Variants in PLEKHB2 observed in about 807,000 individuals in gnomAD.
PLEKHB2 encodes the protein pleckstrin homology domain-containing family B member 2.
PLEKHB2 carries 31 observed loss-of-function variants against 36.5 expected under a neutral mutation model. The ratio of observed to expected loss-of-function variants is 0.85; its 90% confidence interval spans 0.64 to 1.15. The LOEUF (loss-of-function observed/expected upper bound fraction) is 1.15. Ranked by LOEUF, PLEKHB2 falls within the 50% of genes most tolerant of loss-of-function variation. PLEKHB2 has a pLI of 0.00. For missense variants in PLEKHB2, 262 were observed against 295.3 expected (o/e 0.89, Z 0.83); for synonymous variants, 119 against 112.0 (o/e 1.06, Z -0.39).
intron 2 of PLEKHB2, among the ~76,000 whole-genome samples, chr2:131,121,319 G>A (rs1696490082): frequency 6.6e-6 from 1 of 152,276 alleles, no homozygotes; most frequent in African/African-American, 2.4e-5. Flanking sequence ...CGCGATCTCG[G>A]CTCACCGCAG....
intron 7 of PLEKHB2, among the ~76,000 whole-genome samples, chr2:131,143,221 G>A (rs888518559): frequency 6.6e-6 from 1 of 152,194 alleles, no homozygotes; most frequent in Non-Finnish European, 1.5e-5. Context: ...TTCAACTTAT[G>A]ATGGGTTTAT....
chr2:131,149,248 C>T lies in PLEKHB2; in HGVS notation c.*2475C>T, dbSNP rs1023264763. On this transcript the variant is annotated 3_prime_UTR_variant, in exon 8 of 8. Transcript: ENST00000693505. ...CCATAGATGCCAATGTTTTGATAGC[C>T]TCAGTTTCTCAACGATGTCTTTTGT... 3 of 152,196 alleles carry T rather than the reference C, an allele frequency of 2.0e-5. No individual in the cohort carries two copies. The highest frequency in any genetic ancestry group is 2.9e-5 in the Non-Finnish European group (2 of 68,038). 9.4% of individuals were successfully genotyped at this position (152,196 alleles called of 1,614,324 possible).
intron 3 of PLEKHB2, 114 bp downstream of exon 3, chr2:131,126,019 C>T (rs1697066798): frequency 1.9e-6 from 2 of 1,054,230 alleles, no homozygotes; most frequent in African/African-American, 3.2e-5. Flanking sequence ...AGAAGGGCTC[C>T]ATCTCAGAGG....
chr2:131,128,173 A>G (rs1697286513), intron 4 of PLEKHB2, among the ~76,000 whole-genome samples: 1 of 152,230 alleles, frequency 6.6e-6, no homozygotes. Context: ...CTGAGGTAGA[A>G]CAGGGTGGAA....
At chr2:131,125,977 C>A (rs1697059269) in intron 3 of PLEKHB2, 72 bp downstream of exon 3, 5 of 1,443,638 alleles carry the variant, frequency 3.5e-6, no homozygotes, top group Middle Eastern at 2.5e-4. Context: ...TGGTCCTCTT[C>A]CTTCCCTGTT....
Position 131,130,696 on chromosome 2 carries a change from A to C in PLEKHB2, c.294-25A>C, listed in dbSNP as rs201526322. ...ATTGCAATGTTGGATTGCCTTAAAT[A>C]AAGTACCCTTTTTCTTTTCTCCAGG... On this transcript the variant is annotated intron_variant, in intron 4 of 7. Transcript: ENST00000693505. The C allele has an allele frequency of 1.9e-3, 3,042 of 1,570,216 alleles. 1 individual carries two copies. Among genetic ancestry groups the C allele is most frequent in the Non-Finnish European group, 2.4e-3 (2,745 of 1,140,280 alleles).
At chr2:131,114,315 G>A (rs1037643387) in intron 1 of PLEKHB2, among the ~76,000 whole-genome samples, 9 of 152,038 alleles carry the variant, frequency 5.9e-5, no homozygotes, top group Admixed American at 1.3e-4. Flanking sequence ...TAGTAGAGAC[G>A]GGGTTTCATC....
At chr2:131,136,948 CTT>C (rs749691633) in intron 6 of PLEKHB2, among the ~76,000 whole-genome samples, 14 of 134,116 alleles carry the variant, frequency 1.0e-4, no homozygotes, top group Admixed American at 2.2e-4. Context: ...TCTTTTCTTT[CTT>C]TTTTTTTTTT....
chr2:131,135,577 C>G (rs995312143), intron 6 of PLEKHB2, among the ~76,000 whole-genome samples: 13 of 152,008 alleles, frequency 8.6e-5, no homozygotes, highest in Admixed American at 3.9e-4. Flanking sequence ...ACATCCTTGC[C>G]TTGTTCCTGA....
At position 131,105,339 on chromosome 2, in the gene PLEKHB2, T is replaced by TGCAGGCGA. The variant is rs1219124593; in HGVS notation, c.-58_-51dup. 11 of 152,252 alleles carry TGCAGGCGA rather than the reference T, an allele frequency of 7.2e-5. No individual in the cohort carries two copies. The highest frequency in any genetic ancestry group is 2.4e-4 in the African/African-American group (10 of 41,540). The allele number at this position is 152,252 out of a possible 1,614,324, so 9.4% of individuals were successfully genotyped here. A position where few individuals can be genotyped will look rare whatever the true frequency, so the allele number is the denominator to read the frequency against. The stretch of plus-strand genomic sequence containing the variant: ...GCCAGGACGCCGGACGTGCGGCAGT[T>TGCAGGCGA]GCAGGCGAGCAGGCGAGGAATCGCC... On this transcript the variant is annotated 5_prime_UTR_variant, in exon 1 of 8. Coordinates refer to ENST00000693505, the MANE Select transcript of PLEKHB2 (RefSeq NM_001100623.2).
chr2:131,133,103 T>G, intron 6 of PLEKHB2, 112 bp downstream of exon 6: 1 of 679,670 alleles, frequency 1.5e-6, no homozygotes, highest in Non-Finnish European at 2.6e-6. Context: ...CCTTTTCTTC[T>G]TAAAACAGAT....
At chr2:131,140,056 G>T (rs538600290) in intron 6 of PLEKHB2, 111 bp from the exon 7 acceptor site, 2 of 636,404 alleles carry the variant, frequency 3.1e-6, no homozygotes, top group Admixed American at 3.3e-5. Context: ...GTTTTGTTTT[G>T]TTTTTTTTAA....
chr2:131,136,698 G>A (rs1698289038), intron 6 of PLEKHB2, among the ~76,000 whole-genome samples: 1 of 151,570 alleles, frequency 6.6e-6, no homozygotes, highest in Admixed American at 6.6e-5. Context: ...CTATATTTAT[G>A]AGGGATATTG....
intron 1 of PLEKHB2, among the ~76,000 whole-genome samples, chr2:131,110,317 G>GTTT (rs781526594): frequency 1.5e-5 from 2 of 129,448 alleles, no homozygotes; most frequent in Non-Finnish European, 3.3e-5. Flanking sequence ...AGTCTGGACT[G>GTTT]TTTTTTTTTT....
chr2:131,126,569 A>G (rs752621803), intron 3 of PLEKHB2, 115 bp from the exon 4 acceptor site: 16 of 688,832 alleles, frequency 2.3e-5, no homozygotes, highest in Middle Eastern at 2.4e-4. Flanking sequence ...GGGTTCTTTC[A>G]TAGATGTAGC....
At chr2:131,144,210 G>A (rs546239295) in intron 7 of PLEKHB2, among the ~76,000 whole-genome samples, 2 of 152,208 alleles carry the variant, frequency 1.3e-5, no homozygotes, top group Non-Finnish European at 2.9e-5. Flanking sequence ...AGCTGGTTAA[G>A]GCTCTCTCTT....
chr2:131,135,292 T>A (rs986114487), intron 6 of PLEKHB2, among the ~76,000 whole-genome samples: 37 of 152,240 alleles, frequency 2.4e-4, no homozygotes, highest in Admixed American at 4.6e-4. Flanking sequence ...AGTTTCAAAC[T>A]CCTGACCACA....
intron 1 of PLEKHB2, among the ~76,000 whole-genome samples, chr2:131,107,203 C>T (rs1694831233): frequency 6.6e-6 from 1 of 152,248 alleles, no homozygotes; most frequent in Non-Finnish European, 1.5e-5. Flanking sequence ...GCAAAACACA[C>T]TGTTAAAAAT....
intron 1 of PLEKHB2, among the ~76,000 whole-genome samples, chr2:131,109,013 A>G (rs1341392987): frequency 1.3e-5 from 2 of 152,158 alleles, no homozygotes; most frequent in Non-Finnish European, 2.9e-5. Context: ...GCTTATACCC[A>G]AACACTGGGT....
Sources: gnomAD v4.1 joint callset for allele counts (sites outside exome capture counted in the v4.1 genomes callset) on GRCh38, gnomAD v4.1.1 for gene constraint, MANE v1.5 for transcripts, NCBI Gene and HGNC (gene_info 2026-07-23, HGNC 2026-07-21) for gene names.